Variants in TBK1 observed in about 807,000 individuals in gnomAD.
The protein encoded by TBK1 is serine/threonine-protein kinase TBK1.
In TBK1, 37 loss-of-function variants were observed where a neutral mutation model predicts 99.9. The ratio of observed to expected loss-of-function variants is 0.37; its 90% CI spans 0.28 to 0.49. The LOEUF is 0.49. Among genes scored for constraint, TBK1 ranks in the 20% least tolerant of loss-of-function variants. TBK1 has a pLI of 0.98. For synonymous variants in TBK1, 258 were observed against 279.8 expected, an observed-to-expected ratio of 0.92 and a Z score of 0.78; for missense variants, 644 against 872.5, an observed-to-expected ratio of 0.74 and a Z score of 3.30.
At chr12:64,495,926 T>TTAAAA in intron 15 of TBK1, 151 bp downstream of exon 15, 1 of 386,012 alleles carries the variant, frequency 2.6e-6, no homozygotes. Flanking sequence ...TTGATTGTGT[T>TTAAAA]AAAAAAAAAA....
chr12:64,501,385 T>C lies in TBK1; in HGVS notation c.*4T>C. 6.2e-7 allele frequency: 1 copy of C among 1,613,390 alleles called. No individual in the cohort carries two copies. Among genetic ancestry groups the C allele is most frequent in the African/African-American group, 1.3e-5 (1 of 75,012 alleles). Reference sequence around the variant, plus strand: ...TCGCAACGTTGACTGTCTTTAGCTTTCTAATAGAAGTTTAAGAAAAGTTTC... The same window carrying C: ...TCGCAACGTTGACTGTCTTTAGCTTCCTAATAGAAGTTTAAGAAAAGTTTC... On this transcript the variant is annotated 3_prime_UTR_variant, in exon 21 of 21. Coordinates refer to ENST00000331710, the MANE Select transcript of TBK1 (RefSeq NM_013254.4).
intron 3 of TBK1, among the ~76,000 whole-genome samples, chr12:64,464,098 G>A (rs148541417): frequency 7.9e-5 from 12 of 152,168 alleles, no homozygotes; most frequent in Non-Finnish European, 4.4e-5. Flanking sequence ...TCTTGACCTC[G>A]TGATCCGCCC....
At chr12:64,492,457 C>T (rs1189224968) in intron 13 of TBK1, among the ~76,000 whole-genome samples, 2 of 151,966 alleles carry the variant, frequency 1.3e-5, no homozygotes, top group East Asian at 3.9e-4. Flanking sequence ...CAGGCATGTG[C>T]CACCACACCC....
rs1179029770 is a variant in TBK1 at position 64,485,917 on chromosome 12, C to T, written c.1249-9C>T. 1.9e-5 allele frequency: 30 copies of T among 1,547,316 alleles called. No homozygotes were observed. Among genetic ancestry groups the T allele is most frequent in the Non-Finnish European group, 2.6e-5 (30 of 1,149,596 alleles). On this transcript the variant is annotated splice_polypyrimidine_tract_variant and intron_variant, in intron 10 of 20. Transcript: ENST00000331710. The stretch of plus-strand genomic sequence containing the variant: ...AGCACCAAATATTGACATTTTATTT[C>T]TTTATTAGGCAATAACAGGGGTTGT...
At chr12:64,496,201 G>A (rs1273227142) in intron 15 of TBK1, among the ~76,000 whole-genome samples, 166 bp from the exon 16 acceptor site, 2 of 152,102 alleles carry the variant, frequency 1.3e-5, no homozygotes, top group Non-Finnish European at 2.9e-5. Flanking sequence ...GTTATTTACA[G>A]ACCAAATAAA....
At chr12:64,454,843 A>T (rs1013237338) in intron 1 of TBK1, among the ~76,000 whole-genome samples, 3 of 149,220 alleles carry the variant, frequency 2.0e-5, no homozygotes, top group African/African-American at 7.4e-5. Flanking sequence ...TGCCCGGCTA[A>T]TTTTTTTGTA....
At chr12:64,486,129 C>T in intron 11 of TBK1, 112 bp downstream of exon 11, 1 of 601,172 alleles carries the variant, frequency 1.7e-6, no homozygotes, top group South Asian at 2.8e-5. Context: ...TATTATAATA[C>T]ATTTGTTTCA....
intron 20 of TBK1, among the ~76,000 whole-genome samples, chr12:64,500,753 C>CA (rs1414920569): frequency 1.0e-5 from 1 of 98,966 alleles, no homozygotes. Flanking sequence ...AACTCGGTAT[C>CA]TTTTTTTTTT....
At chr12:64,495,409 T>G in intron 13 of TBK1, 74 bp from the exon 14 acceptor site, 1 of 1,543,528 alleles carries the variant, frequency 6.5e-7, no homozygotes. Flanking sequence ...GGTCCAGACT[T>G]TAGACTTTGT....
At chr12:64,486,056 T>C (rs1038023424) in intron 11 of TBK1, 39 bp downstream of exon 11, 9 of 1,416,404 alleles carry the variant, frequency 6.4e-6, no homozygotes, top group Non-Finnish European at 8.7e-6. Flanking sequence ...GATTTTCATG[T>C]AGACCTTGCC....
chr12:64,473,989 C>A (rs1205839430), intron 5 of TBK1, among the ~76,000 whole-genome samples: 1 of 152,058 alleles, frequency 6.6e-6, no homozygotes. Context: ...TAAGGGAGTG[C>A]TGGTCTGATT....
At chr12:64,468,785 C>T (rs1183828728) in intron 5 of TBK1, among the ~76,000 whole-genome samples, 1 of 152,162 alleles carries the variant, frequency 6.6e-6, no homozygotes, top group Non-Finnish European at 1.5e-5. Flanking sequence ...CCTTTGAGGA[C>T]TAAATGAACT....
chr12:64,463,497 G>A (rs1369837381), intron 3 of TBK1, among the ~76,000 whole-genome samples: 1 of 151,778 alleles, frequency 6.6e-6, no homozygotes, highest in African/African-American at 2.4e-5. Flanking sequence ...CCAGAAATTC[G>A]AGACTAGCCT....
chr12:64,495,206 T>A (rs2040912998), intron 13 of TBK1, among the ~76,000 whole-genome samples: 1 of 152,214 alleles, frequency 6.6e-6, no homozygotes, highest in Non-Finnish European at 1.5e-5. Context: ...GGAAACAAGA[T>A]TAGAAGTATT....
At chr12:64,501,244 C>T (rs1286310454) in intron 20 of TBK1, 86 bp from the exon 21 acceptor site, 2 of 1,264,198 alleles carry the variant, frequency 1.6e-6, no homozygotes, top group Non-Finnish European at 2.3e-6. Flanking sequence ...CTATTTATTC[C>T]TCTGAAAAGT....
At chr12:64,459,335 A>G (rs2040522409) in intron 2 of TBK1, among the ~76,000 whole-genome samples, 1 of 152,236 alleles carries the variant, frequency 6.6e-6, no homozygotes, top group African/African-American at 2.4e-5. Context: ...CTGAAAGACA[A>G]TCTTAAAGGA....
At chr12:64,470,058 T>C (rs865816780) in intron 5 of TBK1, among the ~76,000 whole-genome samples, 4 of 151,828 alleles carry the variant, frequency 2.6e-5, no homozygotes, top group Middle Eastern at 3.4e-3. Context: ...ACCTCAGGAG[T>C]TGGAGAAACA....
At chr12:64,456,607 G>A (rs956771275) in intron 2 of TBK1, among the ~76,000 whole-genome samples, 2 of 152,254 alleles carry the variant, frequency 1.3e-5, no homozygotes, top group Admixed American at 1.3e-4. Context: ...TTGGGAGGCC[G>A]AGGCAGGCGG....
intron 6 of TBK1, among the ~76,000 whole-genome samples, chr12:64,476,924 A>G (rs2040720352): frequency 6.6e-6 from 1 of 152,148 alleles, no homozygotes; most frequent in African/African-American, 2.4e-5. Context: ...CGAATAGGGT[A>G]TCCTTTCCCC....
Sources: allele counts gnomAD v4.1 joint callset (sites outside exome capture counted in the v4.1 genomes callset), GRCh38; gene constraint gnomAD v4.1.1; transcripts MANE v1.5; gene names NCBI Gene and HGNC (gene_info 2026-07-23, HGNC 2026-07-21).